The following DLC1 variants were observed in gnomAD, a reference collection of about 807,000 sequenced individuals.
The protein encoded by DLC1 is DLC1 Rho GTPase activating protein, also known as rho GTPase-activating protein 7.
In DLC1, 54 loss-of-function variants were observed where a neutral mutation model predicts 140.3. The observed-to-expected ratio is 0.38, with a 90% CI of 0.31 to 0.48. The LOEUF (loss-of-function observed/expected upper bound fraction) is 0.48. Ranked by LOEUF, DLC1 falls within the 20% of genes least tolerant of loss-of-function variation. The pLI, the probability that DLC1 is intolerant of heterozygous loss-of-function variation, is 0.96. For synonymous variants in DLC1, 986 were observed against 728.1 expected, an observed-to-expected ratio of 1.35 and a Z score of -5.70; for missense variants, 2,536 against 1,907.0, an observed-to-expected ratio of 1.33 and a Z score of -6.14.
At chr8:13,176,228 G>T (rs955617085) in intron 5 of DLC1, among the ~76,000 whole-genome samples, 1 of 152,112 alleles carries the variant, frequency 6.6e-6, no homozygotes, top group African/African-American at 2.4e-5. Context: ...CTAGGGAAAA[G>T]AAATGAAATA....
intron 4 of DLC1, among the ~76,000 whole-genome samples, chr8:13,371,089 G>T (rs1835704258): frequency 6.6e-6 from 1 of 152,284 alleles, no homozygotes; most frequent in South Asian, 2.1e-4. Context: ...GATGACAAAG[G>T]TAAGCACCAT....
Position 13,100,076 on chromosome 8 carries a change from C to G in DLC1, c.2261G>C (p.Ser754Thr). The G allele has an allele frequency of 1.2e-6, 2 of 1,613,532 alleles. No homozygotes were observed. The highest frequency in any genetic ancestry group is 1.7e-6 in the Non-Finnish European group (2 of 1,180,036). ...GGTCCTCGTAACAGGGCTGGGCGTG[C>G]TGACCGCGCTGCTGGTCTCCGACTG... ...SSQSETSSAV[S>T]TPSPVTRTRS... The change falls in exon 9 of 18, where the codon AGC becomes ACC. Residue 754 changes from serine to threonine, a missense_variant. Coordinates refer to ENST00000276297, the MANE Select transcript of DLC1 (RefSeq NM_182643.3).
chr8:13,376,550 G>A (rs17215237), intron 4 of DLC1, among the ~76,000 whole-genome samples: 20,264 of 152,174 alleles, frequency 0.13, 1,517 homozygotes, highest in Non-Finnish European at 0.17. Flanking sequence ...AGAGTAGAAC[G>A]TGTGATTTTG....
chr8:13,559,921 A>C (rs1284638335), intron 1 of DLC1, among the ~76,000 whole-genome samples: 1 of 152,232 alleles, frequency 6.6e-6, no homozygotes, highest in Non-Finnish European at 1.5e-5. Flanking sequence ...TAACTTTATA[A>C]AATTGCATAA....
At chr8:13,594,789 GT>G (rs1243926219) in intron 1 of DLC1, among the ~76,000 whole-genome samples, 2 of 150,662 alleles carry the variant, frequency 1.3e-5, no homozygotes, top group African/African-American at 2.4e-5. Flanking sequence ...TGTTGCAGAG[GT>G]TTTTTTTCAA....
At chr8:13,405,903 CTTTCTTT>C in intron 2 of DLC1, among the ~76,000 whole-genome samples, 1 of 90,658 alleles carries the variant, frequency 1.1e-5, no homozygotes, top group African/African-American at 4.0e-5. Context: ...CTTTCTTTTT[CTTTCTTT>C]CTTTTCTTTT....
intron 13 of DLC1, among the ~76,000 whole-genome samples, chr8:13,092,407 T>C (rs1413188185): frequency 6.6e-6 from 1 of 152,134 alleles, no homozygotes; most frequent in African/African-American, 2.4e-5. Flanking sequence ...TCTGTGGGGG[T>C]TAAGTCCAGT....
At chr8:13,487,361 T>C (rs7826456) in intron 2 of DLC1, among the ~76,000 whole-genome samples, 129,945 of 152,112 alleles carry the variant, frequency 0.85, 56,316 homozygotes, top group Non-Finnish European at 0.94. Flanking sequence ...TTATGTCATT[T>C]GGAAATTCAT....
intron 1 of DLC1, among the ~76,000 whole-genome samples, chr8:13,587,663 G>T (rs1281098854): frequency 2.0e-5 from 3 of 149,034 alleles, no homozygotes; most frequent in African/African-American, 7.4e-5. Flanking sequence ...TATAGGCGAT[G>T]TTAACTGCAA....
At chr8:13,567,657 G>T in intron 1 of DLC1, 2 of 1,551,760 alleles carry the variant, frequency 1.3e-6, no homozygotes, top group African/African-American at 1.4e-5. Flanking sequence ...AGACTTTACT[G>T]GAGTCATTTC....
intron 5 of DLC1, among the ~76,000 whole-genome samples, chr8:13,192,810 A>G (rs1826839242): frequency 6.6e-6 from 1 of 152,216 alleles, no homozygotes; most frequent in Non-Finnish European, 1.5e-5. Context: ...CTGAGGGCAA[A>G]GCAGAGAGAA....
At chr8:13,492,781 T>C (rs2117171880) in intron 2 of DLC1, among the ~76,000 whole-genome samples, 1 of 152,354 alleles carries the variant, frequency 6.6e-6, no homozygotes, top group Middle Eastern at 3.4e-3. Context: ...TACAATTAAA[T>C]GTTTTTGCAT....
At position 13,338,119 on chromosome 8, in the gene DLC1, C is replaced by A. The variant is rs530941520; in HGVS notation, c.1315-32817G>T. Among the ~76,000 whole-genome samples the A allele has an allele frequency of 6.6e-5, 10 of 152,280 alleles. No individual in the cohort carries two copies. The East Asian group carries it at 1.9e-3, about 29-fold the overall frequency. On this transcript the variant is annotated intron_variant, in intron 4 of 17. Transcript: ENST00000276297. ...TTCTGTGCAATTGAAAGAACCTGGA[C>A]TGGCTGCAATTTTGTCCCCACTTGC...
intron 1 of DLC1, among the ~76,000 whole-genome samples, chr8:13,506,597 A>ATACACGTG (rs1563407675): frequency 7.0e-6 from 1 of 142,520 alleles, no homozygotes; most frequent in Admixed American, 7.1e-5. Flanking sequence ...ATATATATAT[A>ATACACGTG]TATATATATA....
At chr8:13,537,905 C>G (rs532882318) in intron 1 of DLC1, among the ~76,000 whole-genome samples, 1 of 152,040 alleles carries the variant, frequency 6.6e-6, no homozygotes, top group African/African-American at 2.4e-5. Flanking sequence ...CCGCCCACCT[C>G]GGCCTCCCAA....
In DLC1 at chr8:13,539,885, T is replaced by C. The variant is rs1803427306; in HGVS notation, c.-125-39689A>G. ...AAGAAACACTCCAGGAAGTGCTGAT[T>C]CAATTATTTTACTTTTCTTGAGCAA... On this transcript the variant is annotated intron_variant, in intron 1 of 1. Transcript: ENST00000631382. Among the ~76,000 whole-genome samples, 9 of 152,096 alleles carry C rather than the reference T, an allele frequency of 5.9e-5. No individual in the cohort carries two copies. In the South Asian group the frequency reaches 1.9e-3, roughly 32 times the overall value.
intron 4 of DLC1, among the ~76,000 whole-genome samples, chr8:13,375,294 T>A (rs1298624445): frequency 6.6e-6 from 1 of 152,176 alleles, no homozygotes; most frequent in Non-Finnish European, 1.5e-5. Flanking sequence ...CCCAAAGTGC[T>A]GGGATTACAG....
chr8:13,514,274 T>A (rs1802505332), intron 1 of DLC1, among the ~76,000 whole-genome samples: 1 of 152,188 alleles, frequency 6.6e-6, no homozygotes, highest in African/African-American at 2.4e-5. Flanking sequence ...AGAAAATGTA[T>A]TTGTTTCACG....
rs751041425 is a variant in DLC1, at chr8:13,499,353, G to T, written c.719C>A (p.Pro240His). ...VIAQQRRKPD[P>H]PKDENERSTC... is the part of the protein sequence containing the mutation. The stretch of plus-strand genomic sequence containing the variant: ...GCTTCTTTCATTTTCATCTTTAGGG[G>T]GGTCAGGTTTCCTTCGTTGCTGAGC... Residue 240 changes from proline (P) to histidine (H), a missense_variant, in exon 2 of 18, where the codon CCC (proline) becomes CAC (histidine). Pro to His is a moderately conservative substitution (Grantham distance 77). Transcript: ENST00000276297. 1.9e-6 allele frequency: 3 copies of T among 1,613,974 alleles called. No homozygotes were observed. Among genetic ancestry groups the T allele is most frequent in the East Asian group, 4.5e-5 (2 of 44,884 alleles).
Sources: allele counts gnomAD v4.1 joint callset (sites outside exome capture counted in the v4.1 genomes callset), GRCh38; gene constraint gnomAD v4.1.1; transcripts MANE v1.5; gene names NCBI Gene and HGNC (gene_info 2026-07-23, HGNC 2026-07-21).